The following ARSD variants were observed in gnomAD, a reference collection of about 807,000 sequenced individuals.
The protein encoded by ARSD is testis tissue sperm-binding protein Li 39a.
Under a neutral mutation model 32.6 loss-of-function variants are expected in ARSD, and 21 were observed. That is an observed-to-expected ratio of 0.64 (90% CI 0.46 to 0.93). ARSD has a LOEUF of 0.93. Among genes scored for constraint, ARSD ranks in the 40% least tolerant of loss-of-function variants. ARSD has a pLI of 0.00. For missense variants in ARSD, 454 were observed against 520.9 expected (o/e 0.87, Z 1.25); for synonymous variants, 224 against 237.4 (o/e 0.94, Z 0.52).
intron 2 of ARSD, 150 bp from the exon 3 acceptor site, chrX:2,922,174 C>T (rs1307097196): frequency 4.6e-5 from 33 of 717,181 alleles, no homozygotes; most frequent in Non-Finnish European, 6.0e-5. Context: ...GGTAGATTGA[C>T]CCCATCCTAA....
rs1490120583 is a variant in ARSD, at chrX:2,914,421, G to GC, written c.1000+1134_1000+1135insG. ...TTTTTTAAATTTTTTGTAGAGATGGGGGGGGGGGGCGTCTCACTATGTTGC... is the reference window on the plus strand; with the variant it reads ...TTTTTTAAATTTTTTGTAGAGATGGGCGGGGGGGGGCGTCTCACTATGTTGC... On this transcript the variant is annotated intron_variant, in intron 6 of 9. Coordinates refer to ENST00000381154, the MANE Select transcript of ARSD (RefSeq NM_001669.4). 4.0e-5 allele frequency: 15 copies of GC among 378,594 alleles called. No homozygotes were observed. The African/African-American group carries it at 4.1e-4, about 10-fold the overall frequency. 31.2% of individuals were successfully genotyped at this position (378,594 alleles called of 1,213,427 possible). A position where few individuals can be genotyped will look rare whatever the true frequency, so the allele number is the denominator to read the frequency against.
At chrX:2,928,965 C>T (rs1374056941) in intron 1 of ARSD, among the ~76,000 whole-genome samples, 9 of 112,377 alleles carry the variant, frequency 8.0e-5, no homozygotes, top group African/African-American at 2.6e-4. Context: ...TCTTTCCCTG[C>T]CCTTCCGCCT....
chrX:2,911,542 A>T (rs1360680669), intron 6 of ARSD, among the ~76,000 whole-genome samples: 2 of 102,023 alleles, frequency 2.0e-5, no homozygotes, highest in East Asian at 3.1e-4. Flanking sequence ...TGGTGGCGGG[A>T]GACTGTAGTC....
At chrX:2,910,120 A>G in intron 7 of ARSD, 141 bp from the exon 8 acceptor site, 1 of 756,303 alleles carries the variant, frequency 1.3e-6, no homozygotes, top group Non-Finnish European at 1.8e-6. Flanking sequence ...TCAGCTTCCC[A>G]AAAACAGCCA....
At chrX:2,917,231 CA>C (rs112312223) in intron 5 of ARSD, among the ~76,000 whole-genome samples, 8 of 103,577 alleles carry the variant, frequency 7.7e-5, no homozygotes, top group Middle Eastern at 4.4e-3. Context: ...ACAAAGAATG[CA>C]AAAAAAAAAG....
In ARSD at chrX:2,920,663, G is replaced by A. The variant is rs2089020242; in HGVS notation, c.377C>T (p.Pro126Leu). ...LQWNAGSGGL[P>L]ENETTFARIL... ...TCTTGCAAAAGTGGTTTCGTTCTCAGGGAGTCCACCTGAGCCTGCGTTCCA... is the reference window on the plus strand; with the variant it reads ...TCTTGCAAAAGTGGTTTCGTTCTCAAGGAGTCCACCTGAGCCTGCGTTCCA... Residue 126 changes from proline (P) to leucine (L), a missense_variant, in exon 4 of 10, where the codon CCT becomes CTT. Pro to Leu is a moderately conservative substitution (Grantham distance 98). Around this residue, in one of 3 missense-constraint regions of ARSD, gnomAD observed 271 missense variants for 301.0 expected, o/e 0.90. Coordinates refer to ENST00000381154, the MANE Select transcript of ARSD (RefSeq NM_001669.4). The A allele has an allele frequency of 8.3e-7, 1 of 1,210,337 alleles. No individual in the cohort carries two copies. The highest frequency in any genetic ancestry group is 2.2e-5 in the Admixed American group (1 of 45,786).
chrX:2,925,530 T>G, intron 2 of ARSD, 86 bp downstream of exon 2: 1 of 1,042,351 alleles, frequency 9.6e-7, no homozygotes, highest in East Asian at 3.2e-5. Context: ...CCCTAAGGAG[T>G]TTCCTAATTT....
chrX:2,922,660 C>T (rs2089039567), intron 2 of ARSD, among the ~76,000 whole-genome samples: 1 of 107,400 alleles, frequency 9.3e-6, no homozygotes, highest in African/African-American at 3.4e-5. Flanking sequence ...CATGGTAAAA[C>T]CCCGTCTCTA....
chrX:2,915,950 G>A (rs759445826), intron 5 of ARSD, among the ~76,000 whole-genome samples: 13 of 108,495 alleles, frequency 1.2e-4, no homozygotes, highest in South Asian at 8.3e-4. Context: ...TGGGCAACAC[G>A]GTGAAATGCC....
At chrX:2,908,982 A>G (rs2088878830) in intron 8 of ARSD, 140 bp from the exon 9 acceptor site, 1 of 931,341 alleles carries the variant, frequency 1.1e-6, no homozygotes, top group African/African-American at 1.9e-5. Context: ...GTCGCTGTTC[A>G]GATTACAGGT....
intron 7 of ARSD, among the ~76,000 whole-genome samples, 197 bp downstream of exon 7, chrX:2,910,462 T>C (rs750033876): frequency 1.8e-5 from 2 of 111,594 alleles, no homozygotes; most frequent in African/African-American, 6.5e-5. Context: ...TACTAAAATG[T>C]AAACCCTTTA....
At chrX:2,923,092 C>T in intron 2 of ARSD, 1 of 159,690 alleles carries the variant, frequency 6.3e-6, no homozygotes, top group South Asian at 1.0e-4. Context: ...TTAGTGGCTG[C>T]CAGAGGCTGA....
At chrX:2,908,225 T>C (rs965207586) in intron 9 of ARSD, among the ~76,000 whole-genome samples, 1 of 109,118 alleles carries the variant, frequency 9.2e-6, no homozygotes, top group African/African-American at 3.5e-5. Flanking sequence ...GAACTGATTC[T>C]ACTTTTTATC....
At chrX:2,913,146 AG>A (rs1159955237) in intron 6 of ARSD, among the ~76,000 whole-genome samples, 1 of 112,064 alleles carries the variant, frequency 8.9e-6, no homozygotes, top group Non-Finnish European at 1.9e-5. Context: ...TGAGCTGGAA[AG>A]GTGGAACAAC....
In ARSD at chrX:2,918,122, T is replaced by C; in HGVS notation, c.545A>G (p.Asn182Ser). The C allele has an allele frequency of 4.2e-6, 5 of 1,202,033 alleles. No individual in the cohort carries two copies. Among genetic ancestry groups the C allele is most frequent in the Non-Finnish European group, 5.6e-6 (5 of 890,362 alleles). ...GGGGGGCCTGCCTGGGTCACAGTCGTTTGTGAGCGTGAAGGGCATGCCGTA... is the reference window on the plus strand; with the variant it reads ...GGGGGGCCTGCCTGGGTCACAGTCGCTTGTGAGCGTGAAGGGCATGCCGTA... ...YFYGMPFTLT[N>S]DCDPGRPPEV... The change falls in exon 5 of 10, where the codon AAC (asparagine) becomes AGC (serine). Residue 182 changes from asparagine to serine, a missense_variant. By Grantham distance (46) the Asn-to-Ser change is conservative (BLOSUM62 1). Transcript: ENST00000381154.
intron 7 of ARSD, 126 bp from the exon 8 acceptor site, chrX:2,910,105 C>T: frequency 1.1e-6 from 1 of 893,106 alleles, no homozygotes; most frequent in Non-Finnish European, 1.5e-6. Flanking sequence ...CACACTGGGG[C>T]AGCCTCAGCT....
chrX:2,908,905 C>T, intron 8 of ARSD, 63 bp from the exon 9 acceptor site: 1 of 1,200,267 alleles, frequency 8.3e-7, no homozygotes, highest in South Asian at 1.8e-5. Flanking sequence ...GCCTTTTGCA[C>T]CTGGGAACAC....
rs199564452 is a variant in ARSD, at chrX:2,914,235, C to CTT, written c.1000+1319_1000+1320dup. 367 of 589,771 alleles carry CTT rather than the reference C, an allele frequency of 6.2e-4. No individual in the cohort carries two copies. In the East Asian group the frequency reaches 7.4e-3, roughly 12 times the overall value. The allele number at this position is 589,771 out of a possible 1,213,427, so 48.6% of individuals were successfully genotyped here. Reference sequence around the variant, plus strand: ...TCTCCCTATTCTTCGTCTTTTATTTCTTTTTTTTTTTGGAGACAGGGTCTT... The same window carrying CTT: ...TCTCCCTATTCTTCGTCTTTTATTTCTTTTTTTTTTTTTGGAGACAGGGTCTT... On this transcript the variant is annotated intron_variant, in intron 6 of 9. Coordinates refer to ENST00000381154, the MANE Select transcript of ARSD (RefSeq NM_001669.4).
chrX:2,913,824 A>C, intron 6 of ARSD: 1 of 701,262 alleles, frequency 1.4e-6, no homozygotes, highest in Non-Finnish European at 1.8e-6. Flanking sequence ...GAGGTGACTG[A>C]ATGATGGGGA....
Sources: gnomAD v4.1 joint callset for allele counts (sites outside exome capture counted in the v4.1 genomes callset) on GRCh38, gnomAD v4.1.1 for gene constraint, gnomAD v4.1.1 regional missense constraint, MANE v1.5 for transcripts, NCBI Gene and HGNC (gene_info 2026-07-23, HGNC 2026-07-21) for gene names.